MAP2K5: variants seen among roughly 807,000 people sequenced by gnomAD.
The protein encoded by MAP2K5 is mitogen-activated protein kinase kinase 5.
In MAP2K5, 49 loss-of-function variants were observed where a neutral mutation model predicts 83.1. That is an observed-to-expected ratio of 0.59 (90% CI 0.47 to 0.75). MAP2K5 has a LOEUF of 0.75. Ranked by LOEUF, MAP2K5 falls within the 30% of genes least tolerant of loss-of-function variation. MAP2K5 has a pLI of 0.00. For missense variants in MAP2K5, 457 were observed against 557.5 expected (o/e 0.82, Z 1.82); for synonymous variants, 202 against 191.8 (o/e 1.05, Z -0.44).
chr15:67,632,145 G>A (rs1040100324), intron 9 of MAP2K5, among the ~76,000 whole-genome samples: 26 of 149,696 alleles, frequency 1.7e-4, no homozygotes, highest in African/African-American at 5.9e-4. Context: ...TGTCATCCAG[G>A]CTGGAGTGCA....
rs906789540 is a variant in MAP2K5, at chr15:67,804,864, G to A, written c.1243-1782G>A. On this transcript the variant is annotated intron_variant, in intron 21 of 21. Transcript: ENST00000178640. ...TTTCCTCTGTCTAGGCAGCGATTTG[G>A]GAAAGCAGCCGTGGGGTGGGCATAT... Among the ~76,000 whole-genome samples the A allele has an allele frequency of 2.0e-5, 3 of 152,180 alleles. No individual in the cohort carries two copies. In the East Asian group the frequency reaches 5.8e-4, roughly 29 times the overall value.
intron 15 of MAP2K5, among the ~76,000 whole-genome samples, chr15:67,695,725 G>A (rs2088235874): frequency 6.6e-6 from 1 of 152,178 alleles, no homozygotes; most frequent in Non-Finnish European, 1.5e-5. Context: ...CCAGATTACA[G>A]TTGTCTTTCC....
chr15:67,556,745 G>T (rs2076533172), intron 2 of MAP2K5, among the ~76,000 whole-genome samples: 1 of 151,838 alleles, frequency 6.6e-6, no homozygotes, highest in South Asian at 2.1e-4. Context: ...TAGAGACAGG[G>T]TTTCACCATG....
rs1331343548 is a variant in MAP2K5, at chr15:67,577,010, A to G, written c.253-3744A>G. ...GACTGCAGTGGCGCAATCTCGGCTCACTGCAAGCTCCGCTTCCCGGGTTCA... is the reference window on the plus strand; with the variant it reads ...GACTGCAGTGGCGCAATCTCGGCTCGCTGCAAGCTCCGCTTCCCGGGTTCA... On this transcript the variant is annotated intron_variant, in intron 3 of 21. Transcript: ENST00000178640. The surrounding 1 kb of genome is among the most constrained non-coding windows in gnomAD (Gnocchi z 4.1). 7.1e-6 allele frequency among the ~76,000 whole-genome samples: 1 copy of G among 141,410 alleles called. No individual in the cohort carries two copies. Among genetic ancestry groups the G allele is most frequent in the Non-Finnish European group, 1.6e-5 (1 of 64,510 alleles). The allele number at this position is 141,410 out of a possible 152,430, so 92.8% of individuals were successfully genotyped here. A position where few individuals can be genotyped will look rare whatever the true frequency, so the allele number is the denominator to read the frequency against.
At position 67,573,262 on chromosome 15, in the gene MAP2K5, G is replaced by T. The variant is rs1211153019; in HGVS notation, c.253-7492G>T. 6.6e-6 allele frequency among the ~76,000 whole-genome samples: 1 copy of T among 152,094 alleles called. No individual in the cohort carries two copies. The highest frequency in any genetic ancestry group is 1.5e-5 in the Non-Finnish European group (1 of 68,038). On this transcript the variant is annotated intron_variant, in intron 3 of 21. Transcript: ENST00000178640. The surrounding 1 kb of genome is among the most constrained non-coding windows in gnomAD (Gnocchi z 4.2). ...TGCTATAAAGAGCTATTTGAGACTG[G>T]GTAATTTATAAAGAAAAGAGGTTTA...
rs2085302907 is a variant in MAP2K5 at position 67,586,871 on chromosome 15, A to T, written c.389A>T (p.Gln130Leu). Residue 130 changes from glutamine (Q) to leucine (L), a missense_variant, in exon 6 of 22, where the codon CAA becomes CTA. By Grantham distance (113) the Gln-to-Leu change is moderately radical (BLOSUM62 -2). Coordinates refer to ENST00000178640, the MANE Select transcript of MAP2K5 (RefSeq NM_145160.3). ...GTGAATACTCGGGCCGGACCCTCTC[A>T]ACACAGCAGCCCAGCAGTCTCAGAT... ...LKVNTRAGPS[Q>L]HSSPAVSDSL... 1 of 1,614,090 alleles carries T rather than the reference A, an allele frequency of 6.2e-7. No individual in the cohort carries two copies. Among genetic ancestry groups the T allele is most frequent in the African/African-American group, 1.3e-5 (1 of 74,930 alleles).
chr15:67,604,744 A>C (rs1007499446), intron 8 of MAP2K5, among the ~76,000 whole-genome samples: 4 of 151,908 alleles, frequency 2.6e-5, no homozygotes, highest in Non-Finnish European at 5.9e-5. Flanking sequence ...AAAATATAAA[A>C]ATTAGCTGGG....
intron 2 of MAP2K5, among the ~76,000 whole-genome samples, chr15:67,558,818 C>G (rs1253414816): frequency 6.6e-6 from 1 of 152,244 alleles, no homozygotes. Context: ...CTCCTTCAGT[C>G]TCTTTCCACT....
intron 2 of MAP2K5, 145 bp downstream of exon 2, chr15:67,550,227 TAA>T (rs2084481574): frequency 1.7e-6 from 1 of 596,316 alleles, no homozygotes; most frequent in South Asian, 2.5e-5. Flanking sequence ...TAAATTGATA[TAA>T]GTTTAATGAT....
chr15:67,639,714 G>T (rs2086673632), intron 9 of MAP2K5, among the ~76,000 whole-genome samples: 1 of 152,192 alleles, frequency 6.6e-6, no homozygotes, highest in Non-Finnish European at 1.5e-5. Flanking sequence ...TCGTCAGTCT[G>T]CTTTTATAGC....
In MAP2K5 at chr15:67,746,806, C is replaced by T. The variant is rs1486845727; in HGVS notation, c.1075-1425C>T. Among the ~76,000 whole-genome samples, 1 of 152,172 alleles carries T rather than the reference C, an allele frequency of 6.6e-6. No homozygotes were observed. Among genetic ancestry groups the T allele is most frequent in the Non-Finnish European group, 1.5e-5 (1 of 68,022 alleles). On this transcript the variant is annotated intron_variant, in intron 17 of 21. Transcript: ENST00000178640. This position sits in a 1 kb window ranked among gnomAD's most constrained non-coding sequence, Gnocchi z 4.1. Reference sequence around the variant, plus strand: ...AAGAGCAATGAGTGGGCGCCGTGTTCATTTGACAAATATATGGGAAAACAC... The same window carrying T: ...AAGAGCAATGAGTGGGCGCCGTGTTTATTTGACAAATATATGGGAAAACAC...
rs2084597450 is a variant in MAP2K5 at position 67,555,083 on chromosome 15, T to A, written c.184+5001T>A. Among the ~76,000 whole-genome samples, 1 of 152,190 alleles carries A rather than the reference T, an allele frequency of 6.6e-6. No homozygotes were observed. ...GGAGAGGGACATCTGTCTGCAGAAC[T>A]CACCTTTTGGGCTGATGGTCCTAAA... On this transcript the variant is annotated intron_variant, in intron 2 of 21. Coordinates refer to ENST00000178640, the MANE Select transcript of MAP2K5 (RefSeq NM_145160.3). The surrounding 1 kb of genome is among the most constrained non-coding windows in gnomAD (Gnocchi z 5.2).
chr15:67,564,259 C>A (rs1294387003), intron 3 of MAP2K5, among the ~76,000 whole-genome samples: 1 of 152,046 alleles, frequency 6.6e-6, no homozygotes, highest in South Asian at 2.1e-4. Context: ...CTGCACAGGG[C>A]CATTGTAATG....
At position 67,781,128 on chromosome 15, in the gene MAP2K5, C is replaced by T. The variant is rs1220089703; in HGVS notation, c.1242+8376C>T. On this transcript the variant is annotated intron_variant, in intron 21 of 21. Coordinates refer to ENST00000178640, the MANE Select transcript of MAP2K5 (RefSeq NM_145160.3). The surrounding 1 kb of genome is among the most constrained non-coding windows in gnomAD (Gnocchi z 4.0). The stretch of plus-strand genomic sequence containing the variant: ...TCAGTTGAAAAAGATCAGAGACATT[C>T]AGCCGTTTGTGGGAGAAATATAAAA... Among the ~76,000 whole-genome samples, 1 of 152,224 alleles carries T rather than the reference C, an allele frequency of 6.6e-6. No homozygotes were observed. Among genetic ancestry groups the T allele is most frequent in the Non-Finnish European group, 1.5e-5 (1 of 68,044 alleles).
intron 19 of MAP2K5, among the ~76,000 whole-genome samples, chr15:67,765,060 G>T (rs1053352911): frequency 1.3e-5 from 2 of 152,160 alleles, no homozygotes; most frequent in Non-Finnish European, 2.9e-5. Context: ...GTAATATCTC[G>T]TAAGTATAGT....
At chr15:67,772,387 G>T (rs2090158941) in intron 20 of MAP2K5, among the ~76,000 whole-genome samples, 1 of 152,122 alleles carries the variant, frequency 6.6e-6, no homozygotes, top group South Asian at 2.1e-4. Context: ...GAATATTGCT[G>T]CTTTTTTCAC....
chr15:67,740,698 C>G (rs1259211507), intron 17 of MAP2K5, among the ~76,000 whole-genome samples: 1 of 152,106 alleles, frequency 6.6e-6, no homozygotes, highest in Non-Finnish European at 1.5e-5. Flanking sequence ...TCGGTCTTCT[C>G]TCATTTGAGC....
chr15:67,548,954 A>G (rs1567265481), intron 1 of MAP2K5: 1 of 1,279,370 alleles, frequency 7.8e-7, no homozygotes, highest in East Asian at 2.6e-5. Flanking sequence ...CTATTATGCA[A>G]ATTGCCACTG....
In MAP2K5 at chr15:67,543,780, T is replaced by C. The variant is rs763036401; in HGVS notation, c.135+310T>C. Among the ~76,000 whole-genome samples, 6 of 152,220 alleles carry C rather than the reference T, an allele frequency of 3.9e-5. No individual in the cohort carries two copies. Among genetic ancestry groups the C allele is most frequent in the Admixed American group, 6.5e-5 (1 of 15,282 alleles). On this transcript the variant is annotated intron_variant, in intron 1 of 21. Coordinates refer to ENST00000178640, the MANE Select transcript of MAP2K5 (RefSeq NM_145160.3). This position sits in a 1 kb window ranked among gnomAD's most constrained non-coding sequence, Gnocchi z 4.3. ...CTGCTGAATCTAGAAGAGAGGTTTT[T>C]TCCCCCCAAGTGTTTCGGGGAATGT...
Sources: allele counts gnomAD v4.1 joint callset (sites outside exome capture counted in the v4.1 genomes callset), GRCh38; gene constraint gnomAD v4.1.1; non-coding constraint Gnocchi (gnomAD v3.1); transcripts MANE v1.5; gene names NCBI Gene and HGNC (gene_info 2026-07-23, HGNC 2026-07-21).